Variants in DSCAM observed in about 807,000 individuals in gnomAD.
DSCAM encodes cell adhesion molecule DSCAM.
In DSCAM, 47 loss-of-function variants were observed where a neutral mutation model predicts 217.7. The observed-to-expected ratio is 0.22, with a 90% CI of 0.17 to 0.28. The LOEUF (loss-of-function observed/expected upper bound fraction) is 0.28, where lower values mean the gene tolerates loss of function less well. Ranked by LOEUF, DSCAM falls within the 10% of genes least tolerant of loss-of-function variation. The pLI is 1.00. For missense variants in DSCAM, 2,080 were observed against 2,618.3 expected (o/e 0.79, Z 4.49); for synonymous variants, 1,056 against 1,015.3 (o/e 1.04, Z -0.76).
At chr21:40,428,232 CTT>C (rs1410051676) in intron 3 of DSCAM, among the ~76,000 whole-genome samples, 8 of 129,434 alleles carry the variant, frequency 6.2e-5, no homozygotes, top group African/African-American at 1.8e-4. Context: ...AGGGCAAATA[CTT>C]TGTGTGTGTG....
intron 16 of DSCAM, among the ~76,000 whole-genome samples, chr21:40,150,241 C>T (rs933382541): frequency 9.2e-5 from 14 of 152,162 alleles, no homozygotes; most frequent in African/African-American, 2.9e-4. Flanking sequence ...CATAGAGCCT[C>T]AGAGAACTTT....
At chr21:40,131,125 G>GT (rs1175192534) in intron 19 of DSCAM, among the ~76,000 whole-genome samples, 1 of 152,188 alleles carries the variant, frequency 6.6e-6, no homozygotes, top group African/African-American at 2.4e-5. Flanking sequence ...AATTGAAATT[G>GT]TAAGTGTAAT....
intron 19 of DSCAM, 132 bp from the exon 20 acceptor site, chr21:40,124,460 T>TC (rs2090072747): frequency 2.7e-6 from 3 of 1,116,242 alleles, no homozygotes; most frequent in Admixed American, 2.3e-5. Flanking sequence ...TTCCGCTGTG[T>TC]CCCCCCAAAT....
At chr21:40,738,394 C>T (rs912322586) in intron 1 of DSCAM, among the ~76,000 whole-genome samples, 4 of 152,108 alleles carry the variant, frequency 2.6e-5, no homozygotes, top group African/African-American at 9.7e-5. Context: ...CTTCTTCTGC[C>T]CTTCATTAAG....
chr21:40,357,395 T>A (rs2074705271), intron 4 of DSCAM, among the ~76,000 whole-genome samples: 2 of 152,180 alleles, frequency 1.3e-5, no homozygotes, highest in South Asian at 4.1e-4. Flanking sequence ...GCTGTCTGCA[T>A]CCATGTTACT....
intron 3 of DSCAM, among the ~76,000 whole-genome samples, chr21:40,565,270 C>T (rs2076756155): frequency 6.6e-6 from 1 of 152,148 alleles, no homozygotes; most frequent in Non-Finnish European, 1.5e-5. Context: ...ATTAGAGACA[C>T]TGTAGCTCGA....
At chr21:40,567,782 A>G (rs1440691121) in intron 3 of DSCAM, among the ~76,000 whole-genome samples, 2 of 152,272 alleles carry the variant, frequency 1.3e-5, no homozygotes, top group Non-Finnish European at 2.9e-5. Flanking sequence ...CAGGCATAAC[A>G]TAAGCACTCT....
intron 3 of DSCAM, among the ~76,000 whole-genome samples, chr21:40,511,067 G>C (rs771102431): frequency 9.2e-5 from 14 of 152,128 alleles, no homozygotes; most frequent in Non-Finnish European, 1.6e-4. Flanking sequence ...TTTTTGCACT[G>C]TTCACATATG....
chr21:40,399,694 T>G (rs1002216238), intron 3 of DSCAM, among the ~76,000 whole-genome samples: 1 of 152,260 alleles, frequency 6.6e-6, no homozygotes. Flanking sequence ...TGCCACGGTT[T>G]CTGTTAGAAG....
In DSCAM at chr21:40,518,500, T is replaced by A. The variant is rs374866112; in HGVS notation, c.509-149255A>T. On this transcript the variant is annotated intron_variant, in intron 3 of 32. Coordinates refer to ENST00000400454, the MANE Select transcript of DSCAM (RefSeq NM_001389.5). The stretch of plus-strand genomic sequence containing the variant: ...TATATTTTATATATATATTATATAT[T>A]ATATATATAATATATATAATATATA... 6.8e-4 allele frequency among the ~76,000 whole-genome samples: 12 copies of A among 17,624 alleles called. 1 individual carries two copies. In the African/African-American group the frequency reaches 6.8e-3, roughly 10 times the overall value. 11.6% of individuals were successfully genotyped at this position (17,624 alleles called of 152,430 possible).
chr21:40,620,242 G>GAAAGAGAGAGAAAAAAGAAAAAGAA (rs750408922), intron 3 of DSCAM, among the ~76,000 whole-genome samples: 14 of 93,250 alleles, frequency 1.5e-4, no homozygotes, highest in African/African-American at 7.0e-4. Context: ...AAGAAAGAGA[G>GAAAGAGAGAGAAAAAAGAAAAAGAA]AGAAAGAGAG....
At chr21:40,577,180 T>C (rs1181995080) in intron 3 of DSCAM, among the ~76,000 whole-genome samples, 1 of 151,318 alleles carries the variant, frequency 6.6e-6, no homozygotes, top group Non-Finnish European at 1.5e-5. Flanking sequence ...TATATATTCA[T>C]TCACCATCCC....
intron 32 of DSCAM, among the ~76,000 whole-genome samples, chr21:40,019,992 CCTTT>C (rs1402235468): frequency 2.6e-5 from 4 of 152,060 alleles, no homozygotes; most frequent in Non-Finnish European, 5.9e-5. Flanking sequence ...TCCATTCTTT[CCTTT>C]ATTTTCCTTC....
At chr21:40,091,749 A>C (rs573460549) in intron 21 of DSCAM, among the ~76,000 whole-genome samples, 1 of 152,210 alleles carries the variant, frequency 6.6e-6, no homozygotes, top group Non-Finnish European at 1.5e-5. Context: ...GTGAATGAGG[A>C]GCATAGGGCA....
At chr21:40,545,221 G>A (rs906303846) in intron 3 of DSCAM, among the ~76,000 whole-genome samples, 6 of 152,184 alleles carry the variant, frequency 3.9e-5, no homozygotes, top group African/African-American at 1.2e-4. Context: ...GCATCTACTG[G>A]TGCTTTGATT....
chr21:40,075,155 G>A lies in DSCAM; in HGVS notation c.4770C>T (p.Asn1590=), dbSNP rs368391292. Residue 1590 remains asparagine, a synonymous_variant, in exon 27 of 33, where the codon AAC becomes AAT. Coordinates refer to ENST00000400454, the MANE Select transcript of DSCAM (RefSeq NM_001389.5). ...VVQNEEGLTT[N]EGLKMLVTIS... is the part of the protein sequence containing the mutation. ...TGGTCACCAGCATCTTGAGCCCCTC[G>A]TTGGTCGTCAGCCCTTCTTCGTTTT... is the stretch of plus-strand genomic sequence containing the variant. 48 of 1,614,084 alleles carry A rather than the reference G, an allele frequency of 3.0e-5. No homozygotes were observed. The highest frequency in any genetic ancestry group is 1.5e-4 in the African/African-American group (11 of 74,930).
chr21:40,300,162 G>A (rs893975295), intron 9 of DSCAM, among the ~76,000 whole-genome samples: 4 of 151,954 alleles, frequency 2.6e-5, no homozygotes, highest in Admixed American at 6.5e-5. Context: ...CTCCCATCAC[G>A]ATGATTGCCT....
intron 1 of DSCAM, among the ~76,000 whole-genome samples, chr21:40,752,328 G>A (rs540235055): frequency 2.0e-5 from 3 of 152,014 alleles, no homozygotes; most frequent in Non-Finnish European, 4.4e-5. Flanking sequence ...CCCCTAGGTC[G>A]GCTTAATGAG....
chr21:40,372,627 T>A (rs2074910126), intron 3 of DSCAM, among the ~76,000 whole-genome samples: 1 of 152,226 alleles, frequency 6.6e-6, no homozygotes, highest in African/African-American at 2.4e-5. Context: ...GACTGCCAGA[T>A]GTTCAAGTCT....
Sources: gnomAD v4.1 joint callset for allele counts (sites outside exome capture counted in the v4.1 genomes callset) on GRCh38, gnomAD v4.1.1 for gene constraint, MANE v1.5 for transcripts, NCBI Gene and HGNC (gene_info 2026-07-23, HGNC 2026-07-21) for gene names.